The following RHBDD1 variants were observed in gnomAD, a reference collection of about 807,000 sequenced individuals.
RHBDD1 encodes rhomboid domain containing 1, also known as rhomboid-related protein 4.
RHBDD1 carries 38 observed loss-of-function variants against 36.3 expected under a neutral mutation model. The ratio of observed to expected loss-of-function variants is 1.05; its 90% CI spans 0.81 to 1.37. The LOEUF (loss-of-function observed/expected upper bound fraction) is 1.37. Among genes scored for constraint, RHBDD1 ranks in the 40% most tolerant of loss-of-function variants. The pLI is 0.00. For missense variants in RHBDD1, 393 were observed against 377.6 expected (o/e 1.04, Z -0.34); for synonymous variants, 151 against 136.5 (o/e 1.11, Z -0.74).
At chr2:226,932,042 A>AT (rs1324033079) in intron 8 of RHBDD1, among the ~76,000 whole-genome samples, 1 of 151,988 alleles carries the variant, frequency 6.6e-6, no homozygotes, top group Non-Finnish European at 1.5e-5. Context: ...GATCCTCCAT[A>AT]TGTTTTCTTA....
At chr2:226,986,217 C>A (rs1207563036) in intron 8 of RHBDD1, among the ~76,000 whole-genome samples, 1 of 152,072 alleles carries the variant, frequency 6.6e-6, no homozygotes, top group Non-Finnish European at 1.5e-5. Flanking sequence ...AGCCACAGAC[C>A]AAAAGAGACT....
intron 8 of RHBDD1, among the ~76,000 whole-genome samples, chr2:226,970,590 A>G (rs2149331361): frequency 6.6e-6 from 1 of 152,348 alleles, no homozygotes; most frequent in African/African-American, 2.4e-5. Context: ...CTGCTCAGGC[A>G]GCAGGTGTGT....
intron 8 of RHBDD1, among the ~76,000 whole-genome samples, chr2:226,983,709 T>A (rs1368095749): frequency 1.3e-5 from 2 of 152,196 alleles, no homozygotes; most frequent in African/African-American, 2.4e-5. Context: ...TTAAGAAGAT[T>A]GAGGTTTCTG....
chr2:226,802,867 A>C, the RHBDD1 span, among the ~76,000 whole-genome samples: 1 of 152,252 alleles, frequency 6.6e-6, no homozygotes, highest in Non-Finnish European at 1.5e-5. Flanking sequence ...CTTTGGGGCA[A>C]TAGGTCTACA....
upstream of RHBDD1, chr2:226,835,964 G>T (rs942779748): frequency 1.3e-5 from 2 of 152,564 alleles, no homozygotes; most frequent in Non-Finnish European, 1.5e-5. Context: ...CGGCCGAGCC[G>T]TCCGCTTTAA....
intron 5 of RHBDD1, among the ~76,000 whole-genome samples, chr2:226,902,559 A>C (rs1947685297): frequency 6.6e-6 from 1 of 152,116 alleles, no homozygotes; most frequent in Non-Finnish European, 1.5e-5. Context: ...TACCTCTTAA[A>C]ATGACTTTTA....
chr2:226,985,983 A>C (rs1176977340), intron 8 of RHBDD1, among the ~76,000 whole-genome samples: 1 of 152,272 alleles, frequency 6.6e-6, no homozygotes, highest in African/African-American at 2.4e-5. Flanking sequence ...CTACTTATCT[A>C]AGTGGTCAAG....
chr2:226,928,635 G>GA (rs940016180), intron 8 of RHBDD1, among the ~76,000 whole-genome samples: 43 of 150,808 alleles, frequency 2.9e-4, no homozygotes, highest in African/African-American at 9.7e-4. Context: ...GCTAGAAGAA[G>GA]AAAAAAAATA....
the RHBDD1 span, among the ~76,000 whole-genome samples, chr2:226,810,723 C>T: frequency 6.6e-6 from 1 of 151,880 alleles, no homozygotes; most frequent in Non-Finnish European, 1.5e-5. Context: ...TCAGTGGAGG[C>T]AGAGGCATAA....
rs542503610 is a variant in RHBDD1 at position 226,994,890 on chromosome 2, T to A, written c.857-541T>A. ...GAAATATGATGCCTACATCTTTGTT[T>A]ACCTGCCCAGATATTGATCAGTATG... On this transcript the variant is annotated intron_variant, in intron 8 of 8. Transcript: ENST00000392062. 6.6e-5 allele frequency among the ~76,000 whole-genome samples: 10 copies of A among 152,332 alleles called. No individual in the cohort carries two copies. The South Asian group carries it at 1.4e-3, about 22-fold the overall frequency.
At chr2:226,885,228 G>A (rs1357935131) in intron 5 of RHBDD1, among the ~76,000 whole-genome samples, 3 of 151,934 alleles carry the variant, frequency 2.0e-5, no homozygotes, top group East Asian at 1.9e-4. Context: ...ACTTTTGATG[G>A]GGCTGTACAT....
the RHBDD1 span, among the ~76,000 whole-genome samples, chr2:226,811,621 G>C: frequency 4.6e-5 from 7 of 152,110 alleles, no homozygotes; most frequent in African/African-American, 1.7e-4. Context: ...AATTGTTGCC[G>C]GACAATATTT....
intron 8 of RHBDD1, among the ~76,000 whole-genome samples, chr2:226,946,490 G>GA (rs1313762849): frequency 6.6e-6 from 1 of 152,072 alleles, no homozygotes; most frequent in Non-Finnish European, 1.5e-5. Flanking sequence ...AAATTACTAA[G>GA]ATCAGAGCAG....
chr2:226,860,695 A>G (rs146598865), intron 3 of RHBDD1, among the ~76,000 whole-genome samples: 3 of 152,246 alleles, frequency 2.0e-5, no homozygotes, highest in African/African-American at 4.8e-5. Flanking sequence ...ACTAGGACTG[A>G]TTGGTCTTTG....
intron 3 of RHBDD1, among the ~76,000 whole-genome samples, chr2:226,854,755 A>G (rs1357808665): frequency 6.6e-6 from 1 of 152,124 alleles, no homozygotes; most frequent in East Asian, 1.9e-4. Context: ...TATTTTTTCC[A>G]TAAAGAGTAT....
chr2:226,953,723 T>G (rs991575734), intron 8 of RHBDD1, among the ~76,000 whole-genome samples: 1 of 152,230 alleles, frequency 6.6e-6, no homozygotes, highest in African/African-American at 2.4e-5. Flanking sequence ...GGTACTTACA[T>G]TCGCTTTGAG....
intron 5 of RHBDD1, among the ~76,000 whole-genome samples, chr2:226,899,981 T>A (rs1246819917): frequency 6.6e-6 from 1 of 152,220 alleles, no homozygotes. Flanking sequence ...TGTTTTCCAG[T>A]TAAATACAGA....
At chr2:226,929,527 G>T (rs921726333) in intron 8 of RHBDD1, among the ~76,000 whole-genome samples, 1 of 152,014 alleles carries the variant, frequency 6.6e-6, no homozygotes, top group East Asian at 1.9e-4. Context: ...ATCTGTGACA[G>T]ACTTACAGCC....
chr2:226,926,131 G>A (rs562035132), intron 8 of RHBDD1, among the ~76,000 whole-genome samples: 1 of 151,842 alleles, frequency 6.6e-6, no homozygotes, highest in South Asian at 2.1e-4. Flanking sequence ...TGTAATCCCA[G>A]CACTTTGGGA....
Sources: gnomAD v4.1 joint callset for allele counts (sites outside exome capture counted in the v4.1 genomes callset) on GRCh38, gnomAD v4.1.1 for gene constraint, MANE v1.5 for transcripts, NCBI Gene and HGNC (gene_info 2026-07-23, HGNC 2026-07-21) for gene names.